PPP6R2: variants seen among roughly 807,000 people sequenced by gnomAD.
PPP6R2 encodes serine/threonine-protein phosphatase 6 regulatory subunit 2.
PPP6R2 carries 62 observed loss-of-function variants against 100.2 expected under a neutral mutation model. The ratio of observed to expected loss-of-function variants is 0.62; its 90% CI spans 0.50 to 0.76. PPP6R2 has a LOEUF of 0.76. Among genes scored for constraint, PPP6R2 ranks in the 30% least tolerant of loss-of-function variants. The probability of loss-of-function intolerance (pLI) is 0.00; values close to 1 mark genes in which losing one functional copy is unlikely to be tolerated. For synonymous variants in PPP6R2, 525 were observed against 514.7 expected (o/e 1.02, Z -0.27); for missense variants, 1,142 against 1,276.3 (o/e 0.89, Z 1.60).
chr22:50,424,404 T>TGTGGAAGGTCCGTCCGC (rs1569472273), intron 10 of PPP6R2, among the ~76,000 whole-genome samples: 3 of 67,102 alleles, frequency 4.5e-5, no homozygotes, highest in Non-Finnish European at 8.8e-5. Flanking sequence ...GGTCCGTCAG[T>TGTGGAAGGTCCGTCCGC]GTGTGGAAGG....
chr22:50,393,312 G>T, intron 2 of PPP6R2: 1 of 843,074 alleles, frequency 1.2e-6, no homozygotes, highest in Non-Finnish European at 1.4e-6. Context: ...GTGGCTGGGG[G>T]AGGCAGAGGA....
chr22:50,337,504 G>A, the PPP6R2 span, among the ~76,000 whole-genome samples: 9 of 133,844 alleles, frequency 6.7e-5, no homozygotes, highest in African/African-American at 2.6e-4. Context: ...GTGTGTGTGC[G>A]GTGTGTGGGG....
chr22:50,414,791 C>A, intron 5 of PPP6R2, 102 bp downstream of exon 5: 1 of 1,328,284 alleles, frequency 7.5e-7, no homozygotes, highest in Non-Finnish European at 1.0e-6. Context: ...CGGCCCCCAT[C>A]TCTCCACCTA....
intron 10 of PPP6R2, among the ~76,000 whole-genome samples, chr22:50,427,048 G>T (rs927506876): frequency 1.3e-5 from 2 of 151,736 alleles, no homozygotes; most frequent in African/African-American, 4.8e-5. Context: ...AATTAGCTGG[G>T]TGTGGTGGCA....
chr22:50,395,898 G>GA (rs201913766), intron 3 of PPP6R2, among the ~76,000 whole-genome samples: 5,193 of 147,760 alleles, frequency 0.035, 150 homozygotes, highest in South Asian at 0.16. Context: ...AATGGTTGGG[G>GA]AAAAAAAAAT....
At chr22:50,439,420 C>T (rs2065102313) in intron 19 of PPP6R2, among the ~76,000 whole-genome samples, 1 of 152,148 alleles carries the variant, frequency 6.6e-6, no homozygotes, top group African/African-American at 2.4e-5. Flanking sequence ...GCATCACCTC[C>T]ACACTGTCAG....
chr22:50,424,073 C>A (rs932702352), intron 10 of PPP6R2, among the ~76,000 whole-genome samples: 3 of 152,248 alleles, frequency 2.0e-5, no homozygotes, highest in Non-Finnish European at 4.4e-5. Flanking sequence ...TTGCATGATG[C>A]TCCAGGTGGC....
chr22:50,431,460 G>A lies in PPP6R2; in HGVS notation c.1335+78G>A, dbSNP rs972351453. The A allele has an allele frequency of 3.8e-6, 5 of 1,320,552 alleles. No homozygotes were observed. The highest frequency in any genetic ancestry group is 2.6e-4 in the Middle Eastern group (1 of 3,872). The allele number at this position is 1,320,552 out of a possible 1,614,324, so 81.8% of individuals were successfully genotyped here. A position where few individuals can be genotyped will look rare whatever the true frequency, so the allele number is the denominator to read the frequency against. On this transcript the variant is annotated intron_variant, in intron 11 of 23. Transcript: ENST00000612753. The surrounding 1 kb of genome is among the most constrained non-coding windows in gnomAD (Gnocchi z 4.8). ...CGTGTCCATGTCAGCGCTGACGTGT[G>A]CCGGACCTCACTGTGCAGCTGACAC...
At chr22:50,437,480 T>TCCCGA in intron 15 of PPP6R2, 26 bp from the exon 16 acceptor site, 1 of 728,390 alleles carries the variant, frequency 1.4e-6, no homozygotes, top group Non-Finnish European at 2.5e-6. Context: ...TGTCTGTCCG[T>TCCCGA]CCCTCCCTCC....
intron 1 of PPP6R2, among the ~76,000 whole-genome samples, chr22:50,368,928 A>C (rs1207999419): frequency 6.6e-6 from 1 of 152,222 alleles, no homozygotes; most frequent in African/African-American, 2.4e-5. Flanking sequence ...AGATTAGAAT[A>C]AACAGGCCCA....
intron 4 of PPP6R2, among the ~76,000 whole-genome samples, chr22:50,412,860 G>A (rs1220504336): frequency 6.6e-6 from 1 of 151,002 alleles, no homozygotes; most frequent in Admixed American, 6.6e-5. Context: ...AGCCAGGATG[G>A]TCTTGATCTC....
intron 4 of PPP6R2, among the ~76,000 whole-genome samples, chr22:50,410,002 A>G (rs548607650): frequency 7.6e-4 from 116 of 152,308 alleles, no homozygotes; most frequent in African/African-American, 2.7e-3. Context: ...TGCTGGGATT[A>G]CAGGTGTGAG....
In PPP6R2 at chr22:50,443,944, T is replaced by G. The variant is rs759938844; in HGVS notation, c.2658T>G (p.Ala886=). The change falls in exon 23 of 24, where the codon GCT becomes GCG. Residue 886 remains alanine, a synonymous_variant. Transcript: ENST00000612753. ...PKEVTAAPAV[A]VPPEATVAIT... is the part of the protein sequence containing the mutation. ...AAGTGACTGCTGCCCCAGCCGTGGC[T>G]GTGCCCCCCGAGGCTACTGTGGCCA... 1 of 1,609,798 alleles carries G rather than the reference T, an allele frequency of 6.2e-7. No individual in the cohort carries two copies. Among genetic ancestry groups the G allele is most frequent in the Admixed American group, 1.7e-5 (1 of 59,548 alleles).
At chr22:50,420,692 G>A (rs7511293) in intron 8 of PPP6R2, among the ~76,000 whole-genome samples, 57,817 of 151,976 alleles carry the variant, frequency 0.38, 11,417 homozygotes, top group East Asian at 0.67. Context: ...AGTCTGTGAG[G>A]GAGGCATTGG....
upstream of PPP6R2, among the ~76,000 whole-genome samples, chr22:50,339,333 T>C (rs2042342095): frequency 6.9e-6 from 1 of 145,550 alleles, no homozygotes; most frequent in Non-Finnish European, 1.5e-5. Flanking sequence ...GTGTGTGGTG[T>C]GTGTGGTATG....
intron 6 of PPP6R2, among the ~76,000 whole-genome samples, chr22:50,416,585 C>T (rs534960583): frequency 1.3e-5 from 2 of 151,978 alleles, no homozygotes; most frequent in South Asian, 2.1e-4. Flanking sequence ...CCTACCTCAG[C>T]CTCCTAAAGT....
In PPP6R2 at chr22:50,370,333, G is replaced by A. The variant is rs1213275626; in HGVS notation, c.-147-1687G>A. 2.0e-5 allele frequency among the ~76,000 whole-genome samples: 3 copies of A among 152,266 alleles called. No homozygotes were observed. In the East Asian group the frequency reaches 5.8e-4, roughly 29 times the overall value. ...GATGGAGTCTTGCACTGTCACCAGGGCTGGAGTGCAATGGCGCGATCTCGG... is the reference window on the plus strand; with the variant it reads ...GATGGAGTCTTGCACTGTCACCAGGACTGGAGTGCAATGGCGCGATCTCGG... On this transcript the variant is annotated intron_variant, in intron 1 of 23. Transcript: ENST00000612753.
At chr22:50,338,126 C>T in the PPP6R2 span, among the ~76,000 whole-genome samples, 6 of 90,836 alleles carry the variant, frequency 6.6e-5, no homozygotes, top group African/African-American at 1.3e-4. Context: ...TGTGCATGTG[C>T]GTGCATGTGT....
intron 22 of PPP6R2, among the ~76,000 whole-genome samples, chr22:50,441,567 T>TG (rs2065631757): frequency 2.0e-5 from 3 of 152,098 alleles, no homozygotes; most frequent in South Asian, 2.1e-4. Flanking sequence ...GATAGTAGGA[T>TG]GGGGGGCGGC....
Sources: gnomAD v4.1 joint callset for allele counts (sites outside exome capture counted in the v4.1 genomes callset) on GRCh38, gnomAD v4.1.1 for gene constraint, Gnocchi (gnomAD v3.1) non-coding constraint, MANE v1.5 for transcripts, NCBI Gene and HGNC (gene_info 2026-07-23, HGNC 2026-07-21) for gene names.